The following MOCS1 variants were observed in gnomAD, a reference collection of about 807,000 sequenced individuals.
The protein encoded by MOCS1 is molybdenum cofactor synthesis 1.
A neutral mutation model predicts 57.6 loss-of-function variants in MOCS1; 39 were observed. That is an observed-to-expected ratio of 0.68 (90% CI 0.52 to 0.88). The LOEUF is 0.88. MOCS1 is among the 40% of genes least tolerant of loss of function. MOCS1 has a pLI of 0.00. For missense variants in MOCS1, 795 were observed against 831.1 expected (o/e 0.96, Z 0.53); for synonymous variants, 334 against 335.7 (o/e 1.00, Z 0.05).
At chr6:39,925,565 A>T (rs904427033) in intron 3 of MOCS1, 113 bp downstream of exon 3, 10 of 1,251,388 alleles carry the variant, frequency 8.0e-6, no homozygotes, top group African/African-American at 1.5e-5. Flanking sequence ...TTGTAGGACC[A>T]AGAGAGTGTC....
chr6:39,934,167 G>A (rs1768787001), intron 1 of MOCS1, 128 bp downstream of exon 1: 8 of 1,260,544 alleles, frequency 6.3e-6, no homozygotes, highest in Non-Finnish European at 8.5e-6. Context: ...TCGCTCCACT[G>A]AGGAGTGCCA....
intron 10 of MOCS1, among the ~76,000 whole-genome samples, chr6:39,908,108 T>TGAG (rs1767069290): frequency 6.6e-6 from 1 of 152,038 alleles, no homozygotes; most frequent in Admixed American, 6.6e-5. Flanking sequence ...GGAGAGGAGA[T>TGAG]GAGAGTCTTC....
In MOCS1 at chr6:39,904,904, G is replaced by A. The variant is rs1189503642; in HGVS notation, c.*1453C>T. 2 of 453,992 alleles carry A rather than the reference G, an allele frequency of 4.4e-6. No homozygotes were observed. Among genetic ancestry groups the A allele is most frequent in the African/African-American group, 4.0e-5 (2 of 49,986 alleles). The allele number at this position is 453,992 out of a possible 1,614,324, so 28.1% of individuals were successfully genotyped here. The stretch of plus-strand genomic sequence containing the variant: ...TAAACTTGTGCCTTCTTCCTATGAG[G>A]GGATCTGGGGTGGGCTGAGAGTGTG... On this transcript the variant is annotated 3_prime_UTR_variant, in exon 11 of 11. Coordinates refer to ENST00000340692, the MANE Select transcript of MOCS1 (RefSeq NM_001358530.2).
chr6:39,912,544 A>G (rs1767397349), intron 7 of MOCS1, among the ~76,000 whole-genome samples, 170 bp from the exon 8 acceptor site: 1 of 152,056 alleles, frequency 6.6e-6, no homozygotes, highest in Non-Finnish European at 1.5e-5. Flanking sequence ...AGGATGGATG[A>G]CCCATGGGTT....
intron 3 of MOCS1, among the ~76,000 whole-genome samples, chr6:39,923,988 C>A (rs1040193846): frequency 6.6e-6 from 1 of 152,204 alleles, no homozygotes; most frequent in Non-Finnish European, 1.5e-5. Context: ...GGGGTCCTGT[C>A]CAAAGCAGCT....
chr6:39,905,194 A>G lies in MOCS1; in HGVS notation c.*1163T>C, dbSNP rs1766788496. 2.2e-6 allele frequency: 1 copy of G among 454,168 alleles called. No individual in the cohort carries two copies. Among genetic ancestry groups the G allele is most frequent in the East Asian group, 6.9e-5 (1 of 14,410 alleles). 28.1% of individuals were successfully genotyped at this position (454,168 alleles called of 1,614,324 possible). On this transcript the variant is annotated 3_prime_UTR_variant, in exon 11 of 11. Coordinates refer to ENST00000340692, the MANE Select transcript of MOCS1 (RefSeq NM_001358530.2). ...CAGGCCAGAACTGTGTGTGTTTGGG[A>G]TGTGAGAACCAGGAGCCTCTAATTA...
At chr6:39,927,703 G>C (rs1768416949) in intron 1 of MOCS1, 1 of 1,535,578 alleles carries the variant, frequency 6.5e-7, no homozygotes, top group African/African-American at 1.4e-5. Context: ...ATCTCTACTG[G>C]GAAGATTTCT....
intron 3 of MOCS1, among the ~76,000 whole-genome samples, chr6:39,916,535 A>T (rs979715891): frequency 7.2e-5 from 11 of 152,210 alleles, no homozygotes; most frequent in Non-Finnish European, 1.2e-4. Context: ...AGGTGCTCTG[A>T]AAGATTATGA....
chr6:39,905,130 C>T lies in MOCS1; in HGVS notation c.*1227G>A, dbSNP rs113972336. 2 of 454,412 alleles carry T rather than the reference C, an allele frequency of 4.4e-6. No individual in the cohort carries two copies. Among genetic ancestry groups the T allele is most frequent in the Non-Finnish European group, 8.8e-6 (2 of 226,938 alleles). The allele number at this position is 454,412 out of a possible 1,614,324, so 28.1% of individuals were successfully genotyped here. ...GCAGAGGGGAGGCAGGCAGGGGGCA[C>T]CACTGAGGACTCAAAGACATCCAAG... On this transcript the variant is annotated 3_prime_UTR_variant, in exon 11 of 11. Coordinates refer to ENST00000340692, the MANE Select transcript of MOCS1 (RefSeq NM_001358530.2).
chr6:39,916,342 C>A, intron 3 of MOCS1, 110 bp from the exon 4 acceptor site: 1 of 1,331,450 alleles, frequency 7.5e-7, no homozygotes, highest in South Asian at 1.3e-5. Context: ...GGAAAAGAGG[C>A]TCTCTGCAGA....
rs778706049 is a variant in MOCS1 at position 39,927,576 on chromosome 6, C to CT, written c.124-122_124-121insA. 22 of 1,608,664 alleles carry CT rather than the reference C, an allele frequency of 1.4e-5. No individual in the cohort carries two copies. Among genetic ancestry groups the CT allele is most frequent in the Non-Finnish European group, 5.1e-6 (6 of 1,179,494 alleles). On this transcript the variant is annotated intron_variant, in intron 1 of 10. Transcript: ENST00000340692. ...CTGTGCGGAGCTTCCAACTCTTCCA[C>CT]ATGTTTGGGCTCTGCAATGTTGGGG...
chr6:39,911,751 C>T (rs1252739315), intron 8 of MOCS1, among the ~76,000 whole-genome samples: 1 of 152,166 alleles, frequency 6.6e-6, no homozygotes, highest in Non-Finnish European at 1.5e-5. Context: ...CACAGGCTAT[C>T]TAGCCACGCG....
rs1224301552 is a variant in MOCS1 at position 39,925,654 on chromosome 6, G to A, written c.418+24C>T. The A allele has an allele frequency of 1.6e-5, 26 of 1,612,572 alleles. No homozygotes were observed. In the Admixed American group the frequency reaches 4.3e-4, roughly 27 times the overall value. On this transcript the variant is annotated intron_variant, in intron 3 of 10. Coordinates refer to ENST00000340692, the MANE Select transcript of MOCS1 (RefSeq NM_001358530.2). ...CGGATGAGGCAGCGCTGGGAGAAGT[G>A]GCGATGACTTTCGTCCAACTCACCC... is the stretch of plus-strand genomic sequence containing the variant.
rs191875647 is a variant in MOCS1, at chr6:39,921,907, T to C, written c.418+3771A>G. On this transcript the variant is annotated intron_variant, in intron 3 of 10. Transcript: ENST00000340692. Reference sequence around the variant, plus strand: ...ACTAAGCCTAGTACTCAATAGTTATTTTTTCTGATCCTCTCCCTTTTCCCA... The same window carrying C: ...ACTAAGCCTAGTACTCAATAGTTATCTTTTCTGATCCTCTCCCTTTTCCCA... 5.9e-5 allele frequency among the ~76,000 whole-genome samples: 9 copies of C among 152,270 alleles called. No homozygotes were observed. The East Asian group carries it at 1.7e-3, about 29-fold the overall frequency.
intron 3 of MOCS1, among the ~76,000 whole-genome samples, chr6:39,922,053 T>A (rs1365162818): frequency 1.3e-5 from 2 of 152,304 alleles, no homozygotes; most frequent in Non-Finnish European, 2.9e-5. Context: ...ACAAGGGCCC[T>A]GCAAACTCCT....
Position 39,904,430 on chromosome 6 carries a change from G to GTTGT in MOCS1, c.*1923_*1926dup, listed in dbSNP as rs1368582763. 4 of 454,848 alleles carry GTTGT rather than the reference G, an allele frequency of 8.8e-6. No homozygotes were observed. Among genetic ancestry groups the GTTGT allele is most frequent in the African/African-American group, 6.0e-5 (3 of 49,992 alleles). 28.2% of individuals were successfully genotyped at this position (454,848 alleles called of 1,614,324 possible). On this transcript the variant is annotated 3_prime_UTR_variant, in exon 11 of 11. Coordinates refer to ENST00000340692, the MANE Select transcript of MOCS1 (RefSeq NM_001358530.2). ...GGGTGGCTGAGCTGGTCCTTAATAG[G>GTTGT]TTGTTTCTTGGTCTTGCTTTCTTCA... is the stretch of plus-strand genomic sequence containing the variant.
At chr6:39,925,967 G>A (rs183671530) in intron 2 of MOCS1, 122 bp from the exon 3 acceptor site, 31 of 1,088,044 alleles carry the variant, frequency 2.8e-5, no homozygotes, top group African/African-American at 4.7e-5. Flanking sequence ...GGATGTGAGC[G>A]GAGACCTCAC....
rs1042176833 is a variant in MOCS1 at position 39,905,415 on chromosome 6, G to T, written c.*942C>A. The T allele has an allele frequency of 1.9e-5, 9 of 469,652 alleles. No homozygotes were observed. The highest frequency in any genetic ancestry group is 4.0e-5 in the Non-Finnish European group (9 of 227,056). 29.1% of individuals were successfully genotyped at this position (469,652 alleles called of 1,614,324 possible). On this transcript the variant is annotated 3_prime_UTR_variant, in exon 11 of 11. Transcript: ENST00000340692. ...AGGTCCCTCCTCTTCTTCCCTCAGG[G>T]AACTGTGTCTTGGGATAGGATTGAT...
chr6:39,929,939 C>CA (rs397948587), intron 1 of MOCS1, among the ~76,000 whole-genome samples: 8,027 of 96,516 alleles, frequency 0.083, 605 homozygotes, highest in African/African-American at 0.19. Context: ...GAGATTCTCT[C>CA]AAAAAAAAAA....
Sources: allele counts gnomAD v4.1 joint callset (sites outside exome capture counted in the v4.1 genomes callset), GRCh38; gene constraint gnomAD v4.1.1; transcripts MANE v1.5; gene names NCBI Gene and HGNC (gene_info 2026-07-23, HGNC 2026-07-21).